The following DCAF7 variants were observed in gnomAD, a reference collection of about 807,000 sequenced individuals.
DCAF7 encodes the protein DDB1- and CUL4-associated factor 7.
Under a neutral mutation model 41.2 loss-of-function variants are expected in DCAF7, and 4 were observed. The observed-to-expected ratio is 0.10, with a 90% CI of 0.05 to 0.22. DCAF7 has a LOEUF of 0.22. Ranked by LOEUF, DCAF7 falls within the 10% of genes least tolerant of loss-of-function variation. The probability of loss-of-function intolerance (pLI) is 1.00; values close to 1 mark genes in which losing one functional copy is unlikely to be tolerated. For synonymous variants in DCAF7, 143 were observed against 164.2 expected, an observed-to-expected ratio of 0.87 and a Z score of 0.99; for missense variants, 131 against 443.2, an observed-to-expected ratio of 0.30 and a Z score of 6.32.
intron 4 of DCAF7, 67 bp from the exon 5 acceptor site, chr17:63,583,435 A>G: frequency 7.0e-7 from 1 of 1,432,674 alleles, no homozygotes; most frequent in South Asian, 1.2e-5. Context: ...GACGTGGCAG[A>G]TTTCCCTCCT....
In DCAF7 at chr17:63,578,826, T is replaced by TCTGGCTG. The variant is rs563356049; in HGVS notation, c.297+207_297+213dup. 5.1e-3 allele frequency among the ~76,000 whole-genome samples: 777 copies of TCTGGCTG among 152,346 alleles called. 25 individuals carry two copies. Among genetic ancestry groups the TCTGGCTG allele is most frequent in the Admixed American group, 0.047 (718 of 15,296 alleles). ...TATATCAAGTCAAGATTCCATGAAGTCTGGCTGCTGGCTGCAGTCAGCTCA... is the reference window on the plus strand; with the variant it reads ...TATATCAAGTCAAGATTCCATGAAGTCTGGCTGCTGGCTGCTGGCTGCAGTCAGCTCA... On this transcript the variant is annotated intron_variant, in intron 2 of 6. Coordinates refer to ENST00000614556, the MANE Select transcript of DCAF7 (RefSeq NM_005828.5).
At chr17:63,559,417 A>C (rs1479727296) in intron 1 of DCAF7, among the ~76,000 whole-genome samples, 1 of 96,952 alleles carries the variant, frequency 1.0e-5, no homozygotes, top group Non-Finnish European at 1.8e-5. Flanking sequence ...ATGTATATAT[A>C]TACGTATATA....
At chr17:63,565,118 AGAGT>A (rs1010253053) in intron 1 of DCAF7, among the ~76,000 whole-genome samples, 3 of 152,210 alleles carry the variant, frequency 2.0e-5, no homozygotes, top group African/African-American at 7.2e-5. Context: ...AGCCTGGGTG[AGAGT>A]GAGACCCCAT....
chr17:63,585,389 C>A lies in DCAF7; in HGVS notation c.856+61C>A. 2.8e-6 allele frequency: 4 copies of A among 1,440,304 alleles called. No homozygotes were observed. In the East Asian group the frequency reaches 9.1e-5, roughly 33 times the overall value. The allele number at this position is 1,440,304 out of a possible 1,614,324, so 89.2% of individuals were successfully genotyped here. A position where few individuals can be genotyped will look rare whatever the true frequency, so the allele number is the denominator to read the frequency against. On this transcript the variant is annotated intron_variant, in intron 6 of 6. Coordinates refer to ENST00000614556, the MANE Select transcript of DCAF7 (RefSeq NM_005828.5). The stretch of plus-strand genomic sequence containing the variant: ...TGGAGGAAATCTGTTCTCTTGGCTC[C>A]TTAGAATTGTAGTTGTTACTGTTTT...
intron 1 of DCAF7, among the ~76,000 whole-genome samples, chr17:63,577,249 A>G (rs1002857600): frequency 1.1e-4 from 17 of 152,184 alleles, no homozygotes; most frequent in Admixed American, 5.2e-4. Flanking sequence ...TGTACACTTG[A>G]GTGGGTTTTA....
chr17:63,552,498 T>C (rs2033268258), intron 1 of DCAF7: 1 of 152,232 alleles, frequency 6.6e-6, no homozygotes, highest in Non-Finnish European at 1.5e-5. Flanking sequence ...TTCTTCCTTA[T>C]GGCCCATAGT....
rs936134353 is a variant in DCAF7 at position 63,550,824 on chromosome 17, G to C, written c.138+9G>C. ...AGGAGTACAACAACAAGGTGGGCCG[G>C]GCAGGGGCTCGGAACCCAGCTGGCG... On this transcript the variant is annotated intron_variant, in intron 1 of 6. Coordinates refer to ENST00000614556, the MANE Select transcript of DCAF7 (RefSeq NM_005828.5). This position sits in a 1 kb window ranked among gnomAD's most constrained non-coding sequence, Gnocchi z 4.8. The C allele has an allele frequency of 1.9e-5, 31 of 1,611,994 alleles. No homozygotes were observed. Among genetic ancestry groups the C allele is most frequent in the Non-Finnish European group, 2.2e-5 (26 of 1,178,912 alleles).
At chr17:63,558,289 G>A (rs2033332291) in intron 1 of DCAF7, among the ~76,000 whole-genome samples, 1 of 152,166 alleles carries the variant, frequency 6.6e-6, no homozygotes, top group Middle Eastern at 3.2e-3. Context: ...AAAGAAATTA[G>A]GCTAGCTACA....
In DCAF7 at chr17:63,550,710, C is replaced by T. The variant is rs761821277; in HGVS notation, c.33C>T (p.Tyr11=). Residue 11 remains tyrosine, a synonymous_variant, in exon 1 of 7, where the codon TAC becomes TAT. Coordinates refer to ENST00000614556, the MANE Select transcript of DCAF7 (RefSeq NM_005828.5). The surrounding 1 kb of genome is among the most constrained non-coding windows in gnomAD (Gnocchi z 4.8). Reference sequence around the variant, plus strand: ...TGCACGGCAAACGGAAGGAGATCTACAAGTATGAAGCGCCCTGGACAGTCT... The same window carrying T: ...TGCACGGCAAACGGAAGGAGATCTATAAGTATGAAGCGCCCTGGACAGTCT... MSLHGKRKEI[Y]KYEAPWTVYA... is the part of the protein sequence containing the mutation. 1.9e-6 allele frequency: 3 copies of T among 1,613,860 alleles called. No individual in the cohort carries two copies. Among genetic ancestry groups the T allele is most frequent in the Non-Finnish European group, 2.5e-6 (3 of 1,179,826 alleles).
rs1239828812 is a variant in DCAF7 at position 63,591,528 on chromosome 17, C to G, written c.*2356C>G. 2 of 152,304 alleles carry G rather than the reference C, an allele frequency of 1.3e-5. No homozygotes were observed. Among genetic ancestry groups the G allele is most frequent in the Middle Eastern group, 3.4e-3 (1 of 294 alleles). 9.4% of individuals were successfully genotyped at this position (152,304 alleles called of 1,614,324 possible). A position where few individuals can be genotyped will look rare whatever the true frequency, so the allele number is the denominator to read the frequency against. ...CCGGGGACCCAGGGGGACTCCACCCCCCTAAGCAAGCACACACATACTCAC... is the reference window on the plus strand; with the variant it reads ...CCGGGGACCCAGGGGGACTCCACCCGCCTAAGCAAGCACACACATACTCAC... On this transcript the variant is annotated 3_prime_UTR_variant, in exon 7 of 7. Transcript: ENST00000614556.
intron 1 of DCAF7, among the ~76,000 whole-genome samples, chr17:63,576,877 G>A (rs546125747): frequency 6.6e-6 from 1 of 152,346 alleles, no homozygotes; most frequent in South Asian, 2.1e-4. Context: ...TTGCACCACT[G>A]CACTCGAACC....
intron 4 of DCAF7, among the ~76,000 whole-genome samples, chr17:63,582,004 G>A (rs546399623): frequency 3.9e-5 from 6 of 152,222 alleles, no homozygotes; most frequent in South Asian, 4.2e-4. Flanking sequence ...ACTCAGCCAC[G>A]CTGCCCATGG....
intron 1 of DCAF7, among the ~76,000 whole-genome samples, chr17:63,560,930 T>C (rs1286425332): frequency 6.6e-6 from 1 of 152,130 alleles, no homozygotes; most frequent in African/African-American, 2.4e-5. Context: ...AAGGAAATAT[T>C]TTACATGTTA....
intron 4 of DCAF7, among the ~76,000 whole-genome samples, chr17:63,582,430 A>G (rs574621808): frequency 6.8e-6 from 1 of 147,410 alleles, no homozygotes; most frequent in Non-Finnish European, 1.5e-5. Flanking sequence ...TTCTCTCTCT[A>G]TTTGTCTGTC....
Position 63,550,615 on chromosome 17 carries a change from C to G in DCAF7, c.-63C>G. 6.3e-7 allele frequency: 1 copy of G among 1,593,340 alleles called. No homozygotes were observed. Among genetic ancestry groups the G allele is most frequent in the African/African-American group, 1.3e-5 (1 of 74,776 alleles). On this transcript the variant is annotated 5_prime_UTR_variant, in exon 1 of 7. Transcript: ENST00000614556. The surrounding 1 kb of genome is among the most constrained non-coding windows in gnomAD (Gnocchi z 4.8). Reference sequence around the variant, plus strand: ...TCCCTTCGGACCCATAGATCTCAGGCTCGGCTCCCCGCCCGCCGCAGCCCA... The same window carrying G: ...TCCCTTCGGACCCATAGATCTCAGGGTCGGCTCCCCGCCCGCCGCAGCCCA...
chr17:63,580,507 C>CTTTTTTTT (rs530801174), intron 4 of DCAF7, among the ~76,000 whole-genome samples: 2 of 43,896 alleles, frequency 4.6e-5, no homozygotes, highest in African/African-American at 2.2e-4. Flanking sequence ...TTTGTGATTG[C>CTTTTTTTT]TTTTTTTTTT....
chr17:63,567,288 A>T (rs2033453765), intron 1 of DCAF7, among the ~76,000 whole-genome samples: 4 of 152,210 alleles, frequency 2.6e-5, no homozygotes, highest in Admixed American at 2.6e-4. Flanking sequence ...TTTCATCATT[A>T]AATTTAAATG....
In DCAF7 at chr17:63,550,530, T is replaced by G; in HGVS notation, c.-148T>G. ...TAGGGGTCGGGCTCGGCCGTCGTCG[T>G]TGTTTGTCGCCGCATCCCCGCTTCC... On this transcript the variant is annotated 5_prime_UTR_variant, in exon 1 of 7. Coordinates refer to ENST00000614556, the MANE Select transcript of DCAF7 (RefSeq NM_005828.5). This position sits in a 1 kb window ranked among gnomAD's most constrained non-coding sequence, Gnocchi z 4.8. The G allele has an allele frequency of 7.8e-7, 1 of 1,288,060 alleles. No homozygotes were observed. Among genetic ancestry groups the G allele is most frequent in the Non-Finnish European group, 1.0e-6 (1 of 967,328 alleles). 79.8% of individuals were successfully genotyped at this position (1,288,060 alleles called of 1,614,324 possible). A position where few individuals can be genotyped will look rare whatever the true frequency, so the allele number is the denominator to read the frequency against.
intron 1 of DCAF7, among the ~76,000 whole-genome samples, chr17:63,553,775 T>C (rs983139647): frequency 2.6e-5 from 4 of 152,262 alleles, no homozygotes; most frequent in African/African-American, 9.6e-5. Context: ...CGTAAAATTG[T>C]ACCTAGTTGA....
Sources: allele counts gnomAD v4.1 joint callset (sites outside exome capture counted in the v4.1 genomes callset), GRCh38; gene constraint gnomAD v4.1.1; non-coding constraint Gnocchi (gnomAD v3.1); transcripts MANE v1.5; gene names NCBI Gene and HGNC (gene_info 2026-07-23, HGNC 2026-07-21).